The following INSC variants were observed in gnomAD, a reference collection of about 807,000 sequenced individuals.
INSC encodes protein inscuteable homolog.
A neutral mutation model predicts 58.6 loss-of-function variants in INSC; 67 were observed. That is an observed-to-expected ratio of 1.14 (90% confidence interval 0.94 to 1.40). INSC has a LOEUF of 1.40. INSC is among the 40% of genes most tolerant of loss of function. The pLI is 0.00. For missense variants in INSC, 714 were observed against 692.0 expected (o/e 1.03, Z -0.36); for synonymous variants, 262 against 276.1 (o/e 0.95, Z 0.51).
chr11:15,139,305 T>C (rs975326487), intron 1 of INSC, among the ~76,000 whole-genome samples: 3 of 152,238 alleles, frequency 2.0e-5, no homozygotes, highest in Non-Finnish European at 4.4e-5. Flanking sequence ...AGTAAGTCAT[T>C]AGCTTAAAGT....
intron 1 of INSC, among the ~76,000 whole-genome samples, chr11:15,116,607 C>G (rs1847701560): frequency 6.6e-6 from 1 of 152,114 alleles, no homozygotes; most frequent in South Asian, 2.1e-4. Flanking sequence ...CTAGACCTGT[C>G]CCATCCTGGC....
At chr11:15,190,324 G>C (rs1045951461) in intron 5 of INSC, among the ~76,000 whole-genome samples, 3 of 152,158 alleles carry the variant, frequency 2.0e-5, no homozygotes, top group Non-Finnish European at 4.4e-5. Context: ...CCACTCATTC[G>C]TTTTCAATTT....
At chr11:15,157,581 C>T (rs1848858915) in intron 2 of INSC, among the ~76,000 whole-genome samples, 1 of 152,102 alleles carries the variant, frequency 6.6e-6, no homozygotes, top group African/African-American at 2.4e-5. Flanking sequence ...ATAGTGGGGT[C>T]AAGCAGCAAA....
intron 12 of INSC, 110 bp downstream of exon 12, chr11:15,240,633 C>A: frequency 1.3e-6 from 1 of 783,820 alleles, no homozygotes; most frequent in Non-Finnish European, 2.2e-6. Flanking sequence ...TAAAACCTCT[C>A]TGGGCTTTAG....
At chr11:15,144,091 C>G (rs1440598886) in intron 1 of INSC, among the ~76,000 whole-genome samples, 4 of 152,180 alleles carry the variant, frequency 2.6e-5, no homozygotes, top group Admixed American at 6.5e-5. Flanking sequence ...GTGTTTTACT[C>G]TTGCTGCAAA....
intron 12 of INSC, among the ~76,000 whole-genome samples, chr11:15,243,908 A>G (rs1352476362): frequency 8.7e-6 from 1 of 114,328 alleles, no homozygotes; most frequent in Non-Finnish European, 1.8e-5. Flanking sequence ...TTTTTCCTCC[A>G]TCTCTTTTTT....
chr11:15,200,872 C>G lies in INSC; in HGVS notation c.742C>G (p.Arg248Gly). 6.2e-7 allele frequency: 1 copy of G among 1,613,988 alleles called. No homozygotes were observed. The highest frequency in any genetic ancestry group is 1.1e-5 in the South Asian group (1 of 91,076). ...CAAGGTTTGCCGGCAGGACAGTTTCCGGTGCTTGTACCCCCAGGCGCTCCG... is the reference window on the plus strand; with the variant it reads ...CAAGGTTTGCCGGCAGGACAGTTTCGGGTGCTTGTACCCCCAGGCGCTCCG... The part of the protein sequence containing the change: ...LFKVCRQDSF[R>G]CLYPQALRTL... Residue 248 changes from arginine (R) to glycine (G), a missense_variant, in exon 7 of 13, where the codon CGG becomes GGG. By Grantham distance (125) the Arg-to-Gly change is moderately radical. Transcript: ENST00000379556.
chr11:15,225,796 C>A lies in INSC; in HGVS notation c.1138C>A (p.Gln380Lys), dbSNP rs1400572674. 2.5e-6 allele frequency: 4 copies of A among 1,613,734 alleles called. No homozygotes were observed. Among genetic ancestry groups the A allele is most frequent in the Non-Finnish European group, 3.4e-6 (4 of 1,179,844 alleles). Residue 380 changes from glutamine to lysine, a missense_variant, in exon 9 of 13, where the codon CAG becomes AAG. Transcript: ENST00000379556. ...TCTCCTGGAAGCCTGCAGTGACAAG[C>A]AGAGAGTGGACACGCCTTACACTCG... Reference protein sequence around the residue: ...RVLLEACSDKQRVDTPYTRDQ... With the variant: ...RVLLEACSDKKRVDTPYTRDQ...
At chr11:15,220,436 G>T (rs1007804724) in intron 7 of INSC, among the ~76,000 whole-genome samples, 2 of 152,174 alleles carry the variant, frequency 1.3e-5, no homozygotes, top group African/African-American at 4.8e-5. Flanking sequence ...TTTTTCTCCA[G>T]CAAATCTTGT....
chr11:15,268,799 G>A, the INSC span, among the ~76,000 whole-genome samples: 4 of 152,144 alleles, frequency 2.6e-5, no homozygotes, highest in East Asian at 5.8e-4. Flanking sequence ...GAACAGTACT[G>A]TAACCTCAAC....
At chr11:15,229,237 T>A (rs1564916242) in intron 9 of INSC, among the ~76,000 whole-genome samples, 1 of 152,212 alleles carries the variant, frequency 6.6e-6, no homozygotes, top group African/African-American at 2.4e-5. Context: ...AGTGCTAGTA[T>A]ATACTTCCCA....
chr11:15,224,063 A>G (rs929180950), intron 8 of INSC, among the ~76,000 whole-genome samples: 9 of 152,242 alleles, frequency 5.9e-5, no homozygotes, highest in African/African-American at 2.2e-4. Flanking sequence ...TCAAACAGTT[A>G]CTTACTGGCC....
In INSC at chr11:15,225,793, A is replaced by C. The variant is rs1851613761; in HGVS notation, c.1135A>C (p.Lys379Gln). ...IRVLLEACSDKQRVDTPYTRD... is the reference protein window; with the variant it reads ...IRVLLEACSDQQRVDTPYTRD... The stretch of plus-strand genomic sequence containing the variant: ...TGTTCTCCTGGAAGCCTGCAGTGAC[A>C]AGCAGAGAGTGGACACGCCTTACAC... Residue 379 changes from lysine to glutamine, a missense_variant, in exon 9 of 13, where the codon AAG becomes CAG. Transcript: ENST00000379556. 6.2e-7 allele frequency: 1 copy of C among 1,613,786 alleles called. No individual in the cohort carries two copies. The highest frequency in any genetic ancestry group is 8.5e-7 in the Non-Finnish European group (1 of 1,179,874).
intron 2 of INSC, among the ~76,000 whole-genome samples, chr11:15,173,586 C>T (rs1426990534): frequency 6.6e-6 from 1 of 151,640 alleles, no homozygotes; most frequent in Non-Finnish European, 1.5e-5. Context: ...ATGGGTTTCT[C>T]TCTCTCTCTG....
chr11:15,231,401 A>T (rs1427253510), intron 9 of INSC, among the ~76,000 whole-genome samples: 1 of 152,238 alleles, frequency 6.6e-6, no homozygotes, highest in Non-Finnish European at 1.5e-5. Flanking sequence ...TGAGCTAAAA[A>T]GAAAAATCAC....
rs926749974 is a variant in INSC, at chr11:15,245,770, A to G, written c.1471-142A>G. ...TGACCAAGATGGTGACTGAGATGCC[A>G]AGTGGCTAACATGATGATCAACCCA... On this transcript the variant is annotated intron_variant, in intron 12 of 12. Transcript: ENST00000379556. The G allele has an allele frequency of 2.5e-5, 26 of 1,040,188 alleles. No homozygotes were observed. The African/African-American group carries it at 4.1e-4, about 17-fold the overall frequency. The allele number at this position is 1,040,188 out of a possible 1,614,324, so 64.4% of individuals were successfully genotyped here.
the INSC span, among the ~76,000 whole-genome samples, chr11:15,260,920 T>C: frequency 6.6e-6 from 1 of 152,198 alleles, no homozygotes; most frequent in Admixed American, 6.6e-5. Context: ...AGTCTAAAGA[T>C]ATTGGGTGCC....
At chr11:15,259,239 A>G in the INSC span, among the ~76,000 whole-genome samples, 1 of 152,184 alleles carries the variant, frequency 6.6e-6, no homozygotes, top group Non-Finnish European at 1.5e-5. Flanking sequence ...CACCCTATCA[A>G]AAGCTCTAGC....
chr11:15,155,540 C>T (rs778305155), intron 2 of INSC, among the ~76,000 whole-genome samples: 6 of 152,264 alleles, frequency 3.9e-5, no homozygotes, highest in Non-Finnish European at 1.5e-5. Flanking sequence ...TGCCCTCATG[C>T]GGACCATATT....
Sources: allele counts gnomAD v4.1 joint callset (sites outside exome capture counted in the v4.1 genomes callset), GRCh38; gene constraint gnomAD v4.1.1; transcripts MANE v1.5; gene names NCBI Gene and HGNC (gene_info 2026-07-23, HGNC 2026-07-21).